Variants in SAE1 observed in about 807,000 individuals in gnomAD.
The protein encoded by SAE1 is SUMO-activating enzyme subunit 1.
A neutral mutation model predicts 40.6 loss-of-function variants in SAE1; 11 were observed. The observed-to-expected ratio is 0.27, with a 90% CI of 0.17 to 0.45. The LOEUF (loss-of-function observed/expected upper bound fraction) is 0.45. SAE1 is among the 20% of genes least tolerant of loss of function. The pLI is 1.00. For synonymous variants in SAE1, 155 were observed against 154.3 expected (o/e 1.00, Z -0.03); for missense variants, 373 against 427.3 (o/e 0.87, Z 1.12).
At chr19:47,194,765 T>TC (rs1568607964) in intron 6 of SAE1, among the ~76,000 whole-genome samples, 3 of 151,378 alleles carry the variant, frequency 2.0e-5, no homozygotes, top group African/African-American at 4.9e-5. Flanking sequence ...TTTTTTTTTT[T>TC]TTGAGATGGA....
In SAE1 at chr19:47,152,978, A is replaced by T. The variant is rs750319183; in HGVS notation, c.465A>T (p.Thr155=). The stretch of plus-strand genomic sequence containing the variant: ...ACAAAAATAGCATCAAGTTCTTTAC[A>T]GGAGATGTTTTTGGCTACCATGGAT... The part of the protein sequence containing the change: ...ICHKNSIKFF[T]GDVFGYHGYT... Residue 155 remains threonine, a synonymous_variant, in exon 4 of 9, where the codon ACA becomes ACT. Transcript: ENST00000270225. The T allele has an allele frequency of 6.2e-7, 1 of 1,613,342 alleles. No homozygotes were observed. Among genetic ancestry groups the T allele is most frequent in the Non-Finnish European group, 8.5e-7 (1 of 1,179,872 alleles).
intron 2 of SAE1, among the ~76,000 whole-genome samples, chr19:47,147,381 A>AT (rs768273912): frequency 4.0e-5 from 6 of 148,156 alleles, no homozygotes; most frequent in Admixed American, 6.7e-5. Context: ...AATTTTTTGT[A>AT]TTTTTTGTAG....
chr19:47,169,237 G>C (rs558375971), intron 5 of SAE1, among the ~76,000 whole-genome samples: 1 of 152,110 alleles, frequency 6.6e-6, no homozygotes, highest in African/African-American at 2.4e-5. Flanking sequence ...TACAGCCAGA[G>C]GTTTTTTAGT....
intron 6 of SAE1, among the ~76,000 whole-genome samples, chr19:47,187,474 A>G (rs1347303383): frequency 6.6e-6 from 1 of 152,166 alleles, no homozygotes; most frequent in Non-Finnish European, 1.5e-5. Flanking sequence ...ACACTTTTCA[A>G]TTCAGTCAGT....
intron 5 of SAE1, among the ~76,000 whole-genome samples, chr19:47,158,847 GGGCATA>G (rs1312436169): frequency 1.3e-5 from 2 of 152,192 alleles, no homozygotes; most frequent in East Asian, 3.8e-4. Flanking sequence ...CAGTGGGTAA[GGGCATA>G]GGCTCACCCT....
chr19:47,157,265 T>C (rs1216817647), intron 5 of SAE1, among the ~76,000 whole-genome samples: 4 of 152,224 alleles, frequency 2.6e-5, no homozygotes, highest in Non-Finnish European at 5.9e-5. Context: ...CTTGGTGTTT[T>C]GGCCAAAACT....
intron 2 of SAE1, 25 bp from the exon 3 acceptor site, chr19:47,150,177 A>G (rs757667918): frequency 6.8e-7 from 1 of 1,464,998 alleles, no homozygotes; most frequent in South Asian, 1.4e-5. Flanking sequence ...TACAAGACTT[A>G]AAAAAATATG....
chr19:47,197,334 T>C lies in SAE1; in HGVS notation c.835T>C (p.Ser279Pro), dbSNP rs772255583. ...CCAGATACGAAATGATGTGCTTGAC[T>C]CACTGGGTATTAGTCCTGACCTGCT... ...LLQIRNDVLD[S>P]LGISPDLLPE... Residue 279 changes from serine (S) to proline (P), a missense_variant, in exon 7 of 9, where the codon TCA becomes CCA. Physicochemically the swap from Ser to Pro is moderately conservative, Grantham distance 74. Coordinates refer to ENST00000270225, the MANE Select transcript of SAE1 (RefSeq NM_005500.3). The C allele has an allele frequency of 6.2e-7, 1 of 1,614,124 alleles. No individual in the cohort carries two copies. The highest frequency in any genetic ancestry group is 2.2e-5 in the East Asian group (1 of 44,892).
intron 5 of SAE1, among the ~76,000 whole-genome samples, chr19:47,165,387 G>A (rs2058386447): frequency 6.6e-6 from 1 of 152,148 alleles, no homozygotes; most frequent in African/African-American, 2.4e-5. Flanking sequence ...ACCGCACCCG[G>A]CCTTGTTATT....
At chr19:47,131,804 G>C (rs970790889) in intron 1 of SAE1, among the ~76,000 whole-genome samples, 4 of 146,746 alleles carry the variant, frequency 2.7e-5, no homozygotes. Context: ...GGATTCAAGC[G>C]ATTCTCCTAA....
intron 2 of SAE1, among the ~76,000 whole-genome samples, chr19:47,146,679 A>G (rs2058256962): frequency 6.6e-6 from 1 of 152,158 alleles, no homozygotes; most frequent in South Asian, 2.1e-4. Flanking sequence ...GAAGAAAAGT[A>G]CTGGCCCATC....
chr19:47,166,153 T>C (rs1295636467), intron 5 of SAE1, among the ~76,000 whole-genome samples: 1 of 152,192 alleles, frequency 6.6e-6, no homozygotes, highest in Non-Finnish European at 1.5e-5. Context: ...CTTGTCACAA[T>C]GTCTGAATGC....
intron 6 of SAE1, among the ~76,000 whole-genome samples, chr19:47,190,143 C>A (rs1170608044): frequency 2.0e-5 from 3 of 152,300 alleles, no homozygotes; most frequent in African/African-American, 7.2e-5. Context: ...CCCCAGACTT[C>A]AGCATCCTGA....
At chr19:47,206,019 C>CCCTA (rs1260806412) in intron 8 of SAE1, among the ~76,000 whole-genome samples, 1 of 152,206 alleles carries the variant, frequency 6.6e-6, no homozygotes, top group African/African-American at 2.4e-5. Flanking sequence ...CTGCACATCC[C>CCCTA]ATTGAGGGGC....
chr19:47,184,315 C>T (rs928306442), intron 6 of SAE1, among the ~76,000 whole-genome samples: 7 of 152,170 alleles, frequency 4.6e-5, no homozygotes, highest in African/African-American at 1.4e-4. Flanking sequence ...TTAAATCCGT[C>T]GTGACCATAA....
chr19:47,165,705 C>T (rs765657574), intron 5 of SAE1, among the ~76,000 whole-genome samples: 10 of 152,180 alleles, frequency 6.6e-5, no homozygotes, highest in Non-Finnish European at 1.2e-4. Context: ...TTTGCATCTG[C>T]TGCTACAGAT....
chr19:47,143,708 A>G (rs1240256291), intron 2 of SAE1, 103 bp downstream of exon 2: 10 of 817,400 alleles, frequency 1.2e-5, no homozygotes, highest in Admixed American at 8.2e-5. Flanking sequence ...GGGCTGTGAA[A>G]GGAGGGCTAA....
At chr19:47,152,536 G>A (rs982490635) in intron 3 of SAE1, among the ~76,000 whole-genome samples, 1 of 152,118 alleles carries the variant, frequency 6.6e-6, no homozygotes, top group Non-Finnish European at 1.5e-5. Context: ...AGCTTATTTG[G>A]ATTTTAATAG....
chr19:47,189,551 ACT>A (rs1290618037), intron 6 of SAE1, among the ~76,000 whole-genome samples: 2 of 151,980 alleles, frequency 1.3e-5, no homozygotes, highest in East Asian at 1.9e-4. Context: ...ACAGAGCGAG[ACT>A]CTGTCTTAAA....
Sources: allele counts gnomAD v4.1 joint callset (sites outside exome capture counted in the v4.1 genomes callset), GRCh38; gene constraint gnomAD v4.1.1; transcripts MANE v1.5; gene names NCBI Gene and HGNC (gene_info 2026-07-23, HGNC 2026-07-21).